The following DDX42 variants were observed in gnomAD, a reference collection of about 807,000 sequenced individuals.
DDX42 encodes ATP-dependent RNA helicase DDX42.
In DDX42, 22 loss-of-function variants were observed where a neutral mutation model predicts 101.5. The observed-to-expected ratio is 0.22, with a 90% confidence interval of 0.15 to 0.31. DDX42 has a LOEUF of 0.31. Among genes scored for constraint, DDX42 ranks in the 10% least tolerant of loss-of-function variants. The pLI is 1.00. For missense variants in DDX42, 849 were observed against 1,199.9 expected, an observed-to-expected ratio of 0.71 and a Z score of 4.32; for synonymous variants, 402 against 401.2, an observed-to-expected ratio of 1.00 and a Z score of -0.02.
In DDX42 at chr17:63,806,627, C is replaced by T. The variant is rs1382099954; in HGVS notation, c.819C>T (p.Tyr273=). 1.2e-6 allele frequency: 2 copies of T among 1,613,480 alleles called. No individual in the cohort carries two copies. The highest frequency in any genetic ancestry group is 1.7e-6 in the Non-Finnish European group (2 of 1,179,802). Residue 273 remains tyrosine (Y), a synonymous_variant, in exon 8 of 18, where the codon TAC becomes TAT. Coordinates refer to ENST00000389924, the MANE Select transcript of DDX42 (RefSeq NM_203499.3). ...QLMHQIRKSE[Y]TQPTPIQCQG... is the part of the protein sequence containing the mutation. ...TGCACCAGATTCGGAAATCTGAATA[C>T]ACACAGCCCACTCCAATACAGTGCC...
chr17:63,794,373 G>A (rs1450232051), intron 3 of DDX42, among the ~76,000 whole-genome samples: 1 of 151,846 alleles, frequency 6.6e-6, no homozygotes, highest in Non-Finnish European at 1.5e-5. Context: ...GCGAGTCCCT[G>A]TCTCTACAAA....
intron 3 of DDX42, among the ~76,000 whole-genome samples, chr17:63,796,708 G>A (rs1302512806): frequency 1.3e-5 from 2 of 152,208 alleles, no homozygotes; most frequent in Non-Finnish European, 2.9e-5. Context: ...AAGGATTTAT[G>A]TAGGCTTAAA....
intron 9 of DDX42, 82 bp from the exon 10 acceptor site, chr17:63,808,738 C>T: frequency 1.3e-6 from 2 of 1,552,830 alleles, no homozygotes; most frequent in Non-Finnish European, 1.8e-6. Flanking sequence ...ACATCACATT[C>T]TGTTTTTCAG....
rs1261921655 is a variant in DDX42 at position 63,812,066 on chromosome 17, T to C, written c.1533T>C (p.Ala511=). The C allele has an allele frequency of 6.2e-7, 1 of 1,614,196 alleles. No homozygotes were observed. The change falls in exon 14 of 18, where the codon GCT becomes GCC. Residue 511 remains alanine, a synonymous_variant. Coordinates refer to ENST00000389924, the MANE Select transcript of DDX42 (RefSeq NM_203499.3). ...TCTTTGTTACTAAAAAAGCCAATGC[T>C]GAAGAGCTAGCGAATAACCTTAAAC... ...VLLFVTKKAN[A]EELANNLKQE...
chr17:63,799,421 CAT>C, intron 4 of DDX42, 166 bp from the exon 5 acceptor site: 2 of 585,580 alleles, frequency 3.4e-6, no homozygotes, highest in Non-Finnish European at 6.0e-6. Context: ...TGCAGCTACA[CAT>C]ATATATAATG....
chr17:63,791,751 G>A (rs952631268), intron 2 of DDX42, among the ~76,000 whole-genome samples: 57 of 152,134 alleles, frequency 3.7e-4, no homozygotes, highest in African/African-American at 1.3e-3. Context: ...TAATGTTTCA[G>A]TAAGTTTCCT....
intron 15 of DDX42, among the ~76,000 whole-genome samples, 194 bp from the exon 16 acceptor site, chr17:63,815,367 CTT>C (rs752665747): frequency 3.3e-5 from 5 of 152,178 alleles, no homozygotes; most frequent in Non-Finnish European, 5.9e-5. Context: ...ATCTCAGCCA[CTT>C]TTCAAATTTG....
Position 63,818,299 on chromosome 17 carries a change from C to T in DDX42, c.2718C>T (p.Ser906=), listed in dbSNP as rs771713740. 6.2e-7 allele frequency: 1 copy of T among 1,614,010 alleles called. No individual in the cohort carries two copies. The highest frequency in any genetic ancestry group is 1.3e-5 in the African/African-American group (1 of 75,024). Residue 906 remains serine (S), a synonymous_variant, in exon 18 of 18, where the codon AGC becomes AGT. Coordinates refer to ENST00000389924, the MANE Select transcript of DDX42 (RefSeq NM_203499.3). ...MEPKMEPKVD[S]SKMDKVDSKT... The stretch of plus-strand genomic sequence containing the variant: ...CCAAGATGGAACCCAAAGTGGACAG[C>T]AGCAAGATGGACAAGGTGGACAGCA...
chr17:63,776,223 C>T (rs572570474), intron 1 of DDX42: 12 of 152,328 alleles, frequency 7.9e-5, no homozygotes, highest in South Asian at 4.1e-4. Flanking sequence ...CCGCCATTGC[C>T]GAAAACACAA....
chr17:63,792,066 T>C (rs923221765), intron 2 of DDX42, among the ~76,000 whole-genome samples: 1 of 151,310 alleles, frequency 6.6e-6, no homozygotes, highest in African/African-American at 2.4e-5. Context: ...AAAAGTTTTC[T>C]TTTTTCCCAT....
intron 14 of DDX42, among the ~76,000 whole-genome samples, chr17:63,812,474 C>G (rs866749678): frequency 6.6e-6 from 1 of 152,132 alleles, no homozygotes; most frequent in African/African-American, 2.4e-5. Context: ...AGTGAATGCC[C>G]TTATTGTATG....
intron 2 of DDX42, among the ~76,000 whole-genome samples, chr17:63,790,790 G>A (rs1436055799): frequency 1.3e-5 from 2 of 151,692 alleles, no homozygotes; most frequent in Admixed American, 6.6e-5. Context: ...AATTAACTGG[G>A]TGCAGTGGCG....
In DDX42 at chr17:63,805,081, C is replaced by G. The variant is rs1025415267; in HGVS notation, c.632C>G (p.Pro211Arg). Residue 211 changes from proline (P) to arginine (R), a missense_variant, in exon 7 of 18, where the codon CCA becomes CGA. Around this residue, in one of 5 missense-constraint regions of DDX42, gnomAD observed 370 missense variants for 608.8 expected, o/e 0.61. Transcript: ENST00000389924. ...PPIDHSEIDYPPFEKNFYNEH... is the reference protein window; with the variant it reads ...PPIDHSEIDYRPFEKNFYNEH... ...TAATTGGACCTGCAGATTGACTATCCACCATTTGAAAAAAACTTTTACAAT... is the reference window on the plus strand; with the variant it reads ...TAATTGGACCTGCAGATTGACTATCGACCATTTGAAAAAAACTTTTACAAT... 6.2e-7 allele frequency: 1 copy of G among 1,608,932 alleles called. No homozygotes were observed. Among genetic ancestry groups the G allele is most frequent in the Non-Finnish European group, 8.5e-7 (1 of 1,178,808 alleles).
rs2144580450 is a variant in DDX42 at position 63,809,094 on chromosome 17, T to C, written c.1152+146T>C. 34 of 1,196,724 alleles carry C rather than the reference T, an allele frequency of 2.8e-5. No individual in the cohort carries two copies. In the South Asian group the frequency reaches 4.4e-4, roughly 16 times the overall value. The allele number at this position is 1,196,724 out of a possible 1,614,324, so 74.1% of individuals were successfully genotyped here. A position where few individuals can be genotyped will look rare whatever the true frequency, so the allele number is the denominator to read the frequency against. ...CGGCAGGCTGTGGTTTTAATTTTGA[T>C]TGGTGGCTAAATTAGCAGTTCAGTG... is the stretch of plus-strand genomic sequence containing the variant. On this transcript the variant is annotated intron_variant, in intron 10 of 17. Coordinates refer to ENST00000389924, the MANE Select transcript of DDX42 (RefSeq NM_203499.3).
In DDX42 at chr17:63,807,718, C is replaced by T. The variant is rs2039859926; in HGVS notation, c.847-6C>T. On this transcript the variant is annotated splice_polypyrimidine_tract_variant and splice_region_variant and intron_variant, in intron 8 of 17. Transcript: ENST00000389924. ...TTAGAGTGGTTATATTTTACTTTTTCTCCAGGGTGTGCCTGTGGCATTAAG... is the reference window on the plus strand; with the variant it reads ...TTAGAGTGGTTATATTTTACTTTTTTTCCAGGGTGTGCCTGTGGCATTAAG... 1.9e-6 allele frequency: 3 copies of T among 1,604,748 alleles called. No individual in the cohort carries two copies. The East Asian group carries it at 6.7e-5, about 36-fold the overall frequency.
intron 2 of DDX42, among the ~76,000 whole-genome samples, chr17:63,789,573 T>G (rs1383190762): frequency 2.4e-5 from 3 of 126,252 alleles, no homozygotes; most frequent in African/African-American, 1.0e-4. Context: ...TTGTTTTTGT[T>G]TTTTTTTTTT....
At chr17:63,790,325 T>C (rs2039611076) in intron 2 of DDX42, among the ~76,000 whole-genome samples, 1 of 152,282 alleles carries the variant, frequency 6.6e-6, no homozygotes, top group East Asian at 1.9e-4. Flanking sequence ...GGCATAAGCA[T>C]ATAGACTATA....
At chr17:63,795,593 G>T (rs949108449) in intron 3 of DDX42, among the ~76,000 whole-genome samples, 7 of 152,194 alleles carry the variant, frequency 4.6e-5, no homozygotes, top group African/African-American at 1.7e-4. Flanking sequence ...TGGCCTCTCA[G>T]AGTGCTGGAA....
At chr17:63,779,350 G>A (rs1471613749) in intron 1 of DDX42, among the ~76,000 whole-genome samples, 2 of 151,956 alleles carry the variant, frequency 1.3e-5, no homozygotes, top group Non-Finnish European at 2.9e-5. Flanking sequence ...TGCAACCTCC[G>A]ACTCCTGGGT....
Sources: allele counts gnomAD v4.1 joint callset (sites outside exome capture counted in the v4.1 genomes callset), GRCh38; gene constraint gnomAD v4.1.1; regional missense constraint gnomAD v4.1.1; transcripts MANE v1.5; gene names NCBI Gene and HGNC (gene_info 2026-07-23, HGNC 2026-07-21).